Variants in BANF2 observed in about 807,000 individuals in gnomAD.
BANF2 encodes barrier-to-autointegration factor-like protein.
BANF2 carries 4 observed loss-of-function variants against 8.0 expected under a neutral mutation model. The observed-to-expected ratio is 0.50, with a 90% CI of 0.25 to 1.14. BANF2 has a LOEUF of 1.14. Among genes scored for constraint, BANF2 ranks in the 50% most tolerant of loss-of-function variants. BANF2 has a pLI of 0.16. For synonymous variants in BANF2, 50 were observed against 40.6 expected (o/e 1.23, Z -0.88); for missense variants, 96 against 107.5 (o/e 0.89, Z 0.47).
At chr20:17,735,396 G>A (rs2037962730) in intron 3 of BANF2, among the ~76,000 whole-genome samples, 1 of 152,194 alleles carries the variant, frequency 6.6e-6, no homozygotes, top group Non-Finnish European at 1.5e-5. Context: ...TCATGTGCTT[G>A]TCAAAGTTTG....
At chr20:17,732,063 C>CA (rs199868651) in intron 3 of BANF2, among the ~76,000 whole-genome samples, 2,135 of 132,738 alleles carry the variant, frequency 0.016, 22 homozygotes, top group Middle Eastern at 0.034. Flanking sequence ...GAGACGTCGT[C>CA]AAAAAAAAAA....
chr20:17,724,860 T>G (rs374145485), intron 2 of BANF2, among the ~76,000 whole-genome samples, 163 bp from the exon 3 acceptor site: 14 of 152,306 alleles, frequency 9.2e-5, no homozygotes, highest in African/African-American at 3.4e-4. Flanking sequence ...TGGAGGCCAG[T>G]GCACCTGCAT....
At chr20:17,709,153 G>A (rs537015028) in intron 1 of BANF2, among the ~76,000 whole-genome samples, 1 of 152,316 alleles carries the variant, frequency 6.6e-6, no homozygotes, top group East Asian at 1.9e-4. Flanking sequence ...CAAGCCTAGT[G>A]ATTTTCTTTT....
intron 3 of BANF2, among the ~76,000 whole-genome samples, chr20:17,726,115 C>A (rs972486449): frequency 7.9e-5 from 12 of 152,108 alleles, no homozygotes; most frequent in Admixed American, 7.9e-4. Context: ...TTCTTTCCTG[C>A]CAGACGAAGG....
intron 2 of BANF2, among the ~76,000 whole-genome samples, chr20:17,724,644 G>T (rs1223242033): frequency 6.6e-6 from 1 of 152,174 alleles, no homozygotes; most frequent in Non-Finnish European, 1.5e-5. Context: ...CTAAAGTGTT[G>T]GGTGGTTAAG....
At chr20:17,731,235 C>T (rs2037888932) in intron 3 of BANF2, 1 of 152,044 alleles carries the variant, frequency 6.6e-6, no homozygotes, top group Non-Finnish European at 1.5e-5. Context: ...TGCACTCCAA[C>T]CTGGGCTATA....
chr20:17,735,556 C>T, intron 3 of BANF2, 109 bp from the exon 4 acceptor site: 3 of 1,316,042 alleles, frequency 2.3e-6, no homozygotes, highest in Non-Finnish European at 3.2e-6. Flanking sequence ...GGCCCTGCTC[C>T]CCCTCCTTTG....
chr20:17,708,861 T>G (rs1198156032), intron 1 of BANF2, among the ~76,000 whole-genome samples: 1 of 152,196 alleles, frequency 6.6e-6, no homozygotes, highest in Non-Finnish European at 1.5e-5. Context: ...AGAAACAGAT[T>G]CTTTTCCTCC....
intron 3 of BANF2, among the ~76,000 whole-genome samples, chr20:17,734,154 A>G (rs915477955): frequency 1.3e-5 from 2 of 152,208 alleles, no homozygotes; most frequent in African/African-American, 4.8e-5. Flanking sequence ...TGCCTTGTCA[A>G]TAATGGTGTA....
chr20:17,716,783 G>C (rs1238824657), intron 1 of BANF2, among the ~76,000 whole-genome samples: 1 of 136,732 alleles, frequency 7.3e-6, no homozygotes, highest in Non-Finnish European at 1.5e-5. Flanking sequence ...GGAGGTTGCA[G>C]TGAGCCCAAG....
At chr20:17,717,797 C>A (rs113721904) in intron 1 of BANF2, among the ~76,000 whole-genome samples, 1,796 of 152,274 alleles carry the variant, frequency 0.012, 19 homozygotes, top group Non-Finnish European at 0.019. Context: ...CCCCTTGTGA[C>A]TACTGTCTAT....
At chr20:17,693,804 G>T in intron 1 of BANF2, 1 of 1,388,530 alleles carries the variant, frequency 7.2e-7, no homozygotes, top group Non-Finnish European at 1.0e-6. Flanking sequence ...GGTGTGTCCA[G>T]TGGGAGGAGG....
At chr20:17,700,485 C>T (rs528593048) in intron 1 of BANF2, among the ~76,000 whole-genome samples, 1 of 152,330 alleles carries the variant, frequency 6.6e-6, no homozygotes, top group South Asian at 2.1e-4. Flanking sequence ...GACACAGCCA[C>T]CTCCCGTCCA....
At chr20:17,732,372 G>A (rs972321164) in intron 3 of BANF2, among the ~76,000 whole-genome samples, 6 of 152,262 alleles carry the variant, frequency 3.9e-5, no homozygotes, top group East Asian at 1.9e-4. Flanking sequence ...CCATCCTTTT[G>A]TTTGTTTGTT....
rs2037797386 is a variant in BANF2 at position 17,725,578 on chromosome 20, G to C, written c.126+427G>C. On this transcript the variant is annotated intron_variant, in intron 3 of 3. Transcript: ENST00000246090. ...GGGCAGGTGAAGAAACAGGAGCCTG[G>C]GGTCTACACTAGAGTGAGTTATTCT... Among the ~76,000 whole-genome samples, 4 of 152,314 alleles carry C rather than the reference G, an allele frequency of 2.6e-5. No individual in the cohort carries two copies. The South Asian group carries it at 8.3e-4, about 32-fold the overall frequency.
At chr20:17,735,223 A>C (rs1451732078) in intron 3 of BANF2, among the ~76,000 whole-genome samples, 1 of 152,174 alleles carries the variant, frequency 6.6e-6, no homozygotes, top group Non-Finnish European at 1.5e-5. Flanking sequence ...TTCCAAGAGA[A>C]ATGCTTCACT....
chr20:17,719,424 AC>A (rs1313720582), intron 1 of BANF2, among the ~76,000 whole-genome samples: 1 of 151,528 alleles, frequency 6.6e-6, no homozygotes, highest in Non-Finnish European at 1.5e-5. Flanking sequence ...GAGCCACCAC[AC>A]CTGGGCCAGG....
chr20:17,695,432 C>G (rs1310186635), upstream of BANF2, among the ~76,000 whole-genome samples: 1 of 101,384 alleles, frequency 9.9e-6, no homozygotes, highest in Non-Finnish European at 1.8e-5. Context: ...GGGTACAGAG[C>G]AAGACCTTGT....
chr20:17,709,590 T>C (rs1004879541), intron 1 of BANF2, among the ~76,000 whole-genome samples: 7 of 152,052 alleles, frequency 4.6e-5, no homozygotes, highest in African/African-American at 1.7e-4. Context: ...TGTTTATATG[T>C]GCACCCAAGC....
Sources: allele counts gnomAD v4.1 joint callset (sites outside exome capture counted in the v4.1 genomes callset), GRCh38; gene constraint gnomAD v4.1.1; transcripts MANE v1.5; gene names NCBI Gene and HGNC (gene_info 2026-07-23, HGNC 2026-07-21).